The following MGAT5 variants were observed in gnomAD, a reference collection of about 807,000 sequenced individuals.
MGAT5 encodes the protein alpha-1,6-mannosylglycoprotein 6-beta-N-acetylglucosaminyltransferase A.
MGAT5 carries 30 observed loss-of-function variants against 94.3 expected under a neutral mutation model. That is an observed-to-expected ratio of 0.32 (90% CI 0.24 to 0.43). MGAT5 has a LOEUF of 0.43. MGAT5 is among the 20% of genes least tolerant of loss of function. The pLI, the probability that MGAT5 is intolerant of heterozygous loss-of-function variation, is 1.00. For synonymous variants in MGAT5, 310 were observed against 322.9 expected (o/e 0.96, Z 0.43); for missense variants, 691 against 905.5 (o/e 0.76, Z 3.04).
At chr2:134,182,471 A>G (rs1688779292) in intron 1 of MGAT5, among the ~76,000 whole-genome samples, 1 of 152,186 alleles carries the variant, frequency 6.6e-6, no homozygotes, top group African/African-American at 2.4e-5. Context: ...GAGTAGACCA[A>G]ACTCTACCCT....
At chr2:134,133,546 G>A (rs1244233317) in intron 1 of MGAT5, among the ~76,000 whole-genome samples, 1 of 152,162 alleles carries the variant, frequency 6.6e-6, no homozygotes, top group Non-Finnish European at 1.5e-5. Flanking sequence ...AAGAGCTTAG[G>A]TAAAATCTGA....
intron 1 of MGAT5, among the ~76,000 whole-genome samples, chr2:134,223,299 ATTTGTC>A (rs1270572183): frequency 6.6e-6 from 1 of 152,144 alleles, no homozygotes; most frequent in Non-Finnish European, 1.5e-5. Context: ...CCTTTTCTGC[ATTTGTC>A]CCTGGGCGTA....
chr2:134,224,268 G>A (rs1680941280), intron 1 of MGAT5, among the ~76,000 whole-genome samples: 1 of 152,166 alleles, frequency 6.6e-6, no homozygotes, highest in African/African-American at 2.4e-5. Flanking sequence ...TTCCAGAGCG[G>A]TACTTGGTAT....
Position 134,215,608 on chromosome 2 carries a change from T to C in MGAT5, c.-142-38654T>C, listed in dbSNP as rs1446357394. 2.6e-5 allele frequency among the ~76,000 whole-genome samples: 4 copies of C among 152,196 alleles called. 1 individual carries two copies. Among genetic ancestry groups the C allele is most frequent in the South Asian group, 4.1e-4 (2 of 4,830 alleles). On this transcript the variant is annotated intron_variant, in intron 1 of 16. Transcript: ENST00000409645. ...ACTCAGTCACTCTCTTGATACTGCA[T>C]TAATCCTATTCATGAGGGATCCGGC...
chr2:134,315,578 G>A (rs1227484607), intron 2 of MGAT5, among the ~76,000 whole-genome samples: 1 of 152,192 alleles, frequency 6.6e-6, no homozygotes, highest in African/African-American at 2.4e-5. Context: ...CATTTGAAAT[G>A]CTGCTTTCCC....
intron 1 of MGAT5, among the ~76,000 whole-genome samples, chr2:134,132,611 CAGAGGCCAGTGGTTGTGACTGATA>C (rs1437104165): frequency 6.6e-6 from 1 of 152,252 alleles, no homozygotes. Context: ...ACTACAATGG[CAGAGGCCAGTGGTTGTGACTGATA>C]AGAGATGACC....
chr2:134,275,614 C>T lies in MGAT5; in HGVS notation c.406+5064C>T, dbSNP rs190042899. ...TTTTTTTTTTTTTTTGAGACAGTCT[C>T]GCTCTGTTGCTCAGGCCAGAATGCA... is the stretch of plus-strand genomic sequence containing the variant. On this transcript the variant is annotated intron_variant, in intron 2 of 15. Coordinates refer to ENST00000281923, the MANE Select transcript of MGAT5 (RefSeq NM_002410.5). Among the ~76,000 whole-genome samples, 27 of 128,588 alleles carry T rather than the reference C, an allele frequency of 2.1e-4. No individual in the cohort carries two copies. The East Asian group carries it at 3.1e-3, about 15-fold the overall frequency. 84.4% of individuals were successfully genotyped at this position (128,588 alleles called of 152,430 possible).
At position 134,317,611 on chromosome 2, in the gene MGAT5, G is replaced by T; in HGVS notation, c.483+6G>T. On this transcript the variant is annotated splice_donor_region_variant and intron_variant, in intron 3 of 15. Coordinates refer to ENST00000281923, the MANE Select transcript of MGAT5 (RefSeq NM_002410.5). ...ACTGTGAGGGAAAGATCAAGGTAAG[G>T]CAGAGGCAAGCATCATCCCCAATCT... 6.5e-7 allele frequency: 1 copy of T among 1,535,818 alleles called. No individual in the cohort carries two copies. The highest frequency in any genetic ancestry group is 1.3e-5 in the South Asian group (1 of 79,988).
intron 14 of MGAT5, among the ~76,000 whole-genome samples, chr2:134,429,815 TTGTGCCAGCA>T (rs1684788397): frequency 6.6e-6 from 1 of 152,262 alleles, no homozygotes; most frequent in South Asian, 2.1e-4. Context: ...CATACAGATT[TTGTGCCAGCA>T]TGTGCCAGAC....
At chr2:134,393,319 C>G (rs1682523481) in intron 10 of MGAT5, among the ~76,000 whole-genome samples, 1 of 152,104 alleles carries the variant, frequency 6.6e-6, no homozygotes, top group Admixed American at 6.5e-5. Context: ...GCTGGCCTGC[C>G]TGTGTAAAGG....
chr2:134,371,123 G>A (rs1188324308), intron 10 of MGAT5, among the ~76,000 whole-genome samples: 4 of 152,196 alleles, frequency 2.6e-5, no homozygotes, highest in African/African-American at 4.8e-5. Flanking sequence ...GATTGGACAT[G>A]GTGTAGAGGA....
chr2:134,232,779 A>AT (rs1234937010), intron 1 of MGAT5, among the ~76,000 whole-genome samples: 2 of 152,090 alleles, frequency 1.3e-5, no homozygotes, highest in Non-Finnish European at 2.9e-5. Flanking sequence ...GCACATTTTC[A>AT]TTTAAGAATG....
At chr2:134,252,401 C>T (rs1169115493), upstream of MGAT5, among the ~76,000 whole-genome samples, 1 of 152,108 alleles carries the variant, frequency 6.6e-6, no homozygotes, top group East Asian at 1.9e-4. Flanking sequence ...AGAGGTTGAG[C>T]CTCATTTTAA....
intron 1 of MGAT5, among the ~76,000 whole-genome samples, chr2:134,222,323 G>A (rs1295465299): frequency 1.3e-5 from 2 of 149,316 alleles, no homozygotes; most frequent in South Asian, 2.1e-4. Flanking sequence ...GAATCTGAGG[G>A]CAGTAAACAA....
At chr2:134,277,857 A>G (rs929329360) in intron 2 of MGAT5, among the ~76,000 whole-genome samples, 1 of 152,240 alleles carries the variant, frequency 6.6e-6, no homozygotes, top group Non-Finnish European at 1.5e-5. Context: ...TCACTGGAAC[A>G]CTTTAAATTT....
At chr2:134,338,092 T>C (rs1688431910) in intron 5 of MGAT5, among the ~76,000 whole-genome samples, 167 bp from the exon 6 acceptor site, 1 of 152,172 alleles carries the variant, frequency 6.6e-6, no homozygotes, top group Non-Finnish European at 1.5e-5. Context: ...TGGCTTCAGT[T>C]TGCAATCCTG....
At chr2:134,166,892 T>C (rs1687987190) in intron 1 of MGAT5, among the ~76,000 whole-genome samples, 1 of 152,204 alleles carries the variant, frequency 6.6e-6, no homozygotes, top group Non-Finnish European at 1.5e-5. Context: ...ATAAATGAGA[T>C]AAAACCAGAT....
chr2:134,136,001 C>A (rs751356365), intron 1 of MGAT5, among the ~76,000 whole-genome samples: 3 of 152,196 alleles, frequency 2.0e-5, no homozygotes, highest in Non-Finnish European at 4.4e-5. Context: ...AAATATTACA[C>A]TTTCATTTTC....
intron 9 of MGAT5, among the ~76,000 whole-genome samples, chr2:134,351,238 A>G (rs559574005): frequency 2.6e-5 from 4 of 152,300 alleles, no homozygotes; most frequent in African/African-American, 9.6e-5. Context: ...GATTTTTGGC[A>G]CGTTAGATAA....
Sources: gnomAD v4.1 joint callset for allele counts (sites outside exome capture counted in the v4.1 genomes callset) on GRCh38, gnomAD v4.1.1 for gene constraint, MANE v1.5 for transcripts, NCBI Gene and HGNC (gene_info 2026-07-23, HGNC 2026-07-21) for gene names.